CYB5B: variants seen among roughly 807,000 people sequenced by gnomAD.
The protein encoded by CYB5B is cytochrome b5 type B, also known as cytochrome b5 type B (outer mitochondrial membrane).
CYB5B carries 14 observed loss-of-function variants against 21.3 expected under a neutral mutation model. The ratio of observed to expected loss-of-function variants is 0.66; its 90% CI spans 0.43 to 1.03. The LOEUF (loss-of-function observed/expected upper bound fraction) is 1.03. Ranked by LOEUF, CYB5B falls within the 50% of genes least tolerant of loss-of-function variation. The pLI is 0.00. For missense variants in CYB5B, 166 were observed against 185.1 expected (o/e 0.90, Z 0.60); for synonymous variants, 69 against 68.4 (o/e 1.01, Z -0.04).
At chr16:69,439,903 C>G (rs1248606795) in intron 1 of CYB5B, among the ~76,000 whole-genome samples, 4 of 152,038 alleles carry the variant, frequency 2.6e-5, no homozygotes, top group African/African-American at 4.8e-5. Context: ...GGGTCTTGCT[C>G]TGTCACTCAG....
At chr16:69,428,953 C>T (rs2014676574) in intron 1 of CYB5B, among the ~76,000 whole-genome samples, 1 of 152,138 alleles carries the variant, frequency 6.6e-6, no homozygotes, top group Non-Finnish European at 1.5e-5. Flanking sequence ...TCAGAATGAT[C>T]AGGGGAGGAC....
rs77513035 is a variant in CYB5B, at chr16:69,454,807, C to G, written c.334-4286C>G. Among the ~76,000 whole-genome samples the G allele has an allele frequency of 5.8e-3, 877 of 152,244 alleles. 4 individuals are homozygous for G. The highest frequency in any genetic ancestry group is 8.3e-3 in the Non-Finnish European group (567 of 68,022). ...ATTAAAACATAAAGTCTTTATATAC[C>G]TTATATTTGCCTTTTAAGCTTTTGA... is the stretch of plus-strand genomic sequence containing the variant. On this transcript the variant is annotated intron_variant, in intron 3 of 4. Transcript: ENST00000307892.
intron 3 of CYB5B, among the ~76,000 whole-genome samples, chr16:69,452,737 G>T (rs931383255): frequency 6.6e-6 from 1 of 151,316 alleles, no homozygotes. Flanking sequence ...GGCTGGGGGC[G>T]GTGGCTCACG....
chr16:69,442,722 T>A (rs2014836882), intron 1 of CYB5B, among the ~76,000 whole-genome samples: 1 of 152,024 alleles, frequency 6.6e-6, no homozygotes, highest in Admixed American at 6.6e-5. Flanking sequence ...AGGTCTTGCT[T>A]GGTTGCCCAG....
chr16:69,459,070 A>ATTTTAT, intron 3 of CYB5B, 23 bp from the exon 4 acceptor site: 1 of 1,368,386 alleles, frequency 7.3e-7, no homozygotes, highest in Non-Finnish European at 1.0e-6. Flanking sequence ...TTATTTTTGA[A>ATTTTAT]TTTTTTTTTT....
At chr16:69,432,126 C>T (rs905468842) in intron 1 of CYB5B, among the ~76,000 whole-genome samples, 9 of 152,204 alleles carry the variant, frequency 5.9e-5, no homozygotes, top group African/African-American at 7.2e-5. Context: ...GAGAGCTAGG[C>T]GGGACCCAGG....
intron 1 of CYB5B, among the ~76,000 whole-genome samples, chr16:69,430,909 G>T (rs1465341968): frequency 6.6e-6 from 1 of 152,088 alleles, no homozygotes; most frequent in East Asian, 1.9e-4. Flanking sequence ...CTGACCTCCG[G>T]TGATTCACCC....
At chr16:69,456,626 C>A (rs1474952551) in intron 3 of CYB5B, among the ~76,000 whole-genome samples, 2 of 152,166 alleles carry the variant, frequency 1.3e-5, no homozygotes, top group Non-Finnish European at 2.9e-5. Flanking sequence ...AGATTGAGAG[C>A]ATTAAAATCT....
chr16:69,427,736 C>T (rs534343767), intron 1 of CYB5B, among the ~76,000 whole-genome samples: 2 of 151,752 alleles, frequency 1.3e-5, no homozygotes, highest in South Asian at 4.2e-4. Context: ...GGGCTCATAC[C>T]TGTAATCCCA....
intron 1 of CYB5B, among the ~76,000 whole-genome samples, chr16:69,425,722 C>T (rs1444295260): frequency 1.3e-5 from 2 of 152,184 alleles, no homozygotes; most frequent in Non-Finnish European, 2.9e-5. Flanking sequence ...CCTTTGCAGT[C>T]ATTCTCTCCC....
chr16:69,463,406 G>A lies in CYB5B; in HGVS notation c.*886G>A, dbSNP rs1233560853. On this transcript the variant is annotated 3_prime_UTR_variant, in exon 5 of 5. Coordinates refer to ENST00000307892, the MANE Select transcript of CYB5B (RefSeq NM_030579.3). Reference sequence around the variant, plus strand: ...CAGAGTAATCTTTCTTTAGAAAACTGGTGTTTTCTAAAGAAACAGGATAGG... The same window carrying A: ...CAGAGTAATCTTTCTTTAGAAAACTAGTGTTTTCTAAAGAAACAGGATAGG... 3 of 151,954 alleles carry A rather than the reference G, an allele frequency of 2.0e-5. No individual in the cohort carries two copies. Among genetic ancestry groups the A allele is most frequent in the Admixed American group, 6.6e-5 (1 of 15,254 alleles). 9.4% of individuals were successfully genotyped at this position (151,954 alleles called of 1,614,324 possible). A position where few individuals can be genotyped will look rare whatever the true frequency, so the allele number is the denominator to read the frequency against.
intron 1 of CYB5B, among the ~76,000 whole-genome samples, chr16:69,426,482 G>A (rs1391837755): frequency 6.6e-6 from 1 of 151,554 alleles, no homozygotes; most frequent in Non-Finnish European, 1.5e-5. Flanking sequence ...TGAGGCGGGC[G>A]GATCACGAGA....
At position 69,424,644 on chromosome 16, in the gene CYB5B, A is replaced by G; in HGVS notation, c.-40A>G. ...GAAGGCTGAGCGCGGGCTCTCAAGGAAAGTAGTCGCGGAATCTCAGTTAGC... is the reference window on the plus strand; with the variant it reads ...GAAGGCTGAGCGCGGGCTCTCAAGGGAAGTAGTCGCGGAATCTCAGTTAGC... On this transcript the variant is annotated 5_prime_UTR_variant, in exon 1 of 5. Transcript: ENST00000307892. 9 of 1,504,204 alleles carry G rather than the reference A, an allele frequency of 6.0e-6. No homozygotes were observed. Among genetic ancestry groups the G allele is most frequent in the African/African-American group, 1.4e-5 (1 of 70,854 alleles). The allele number at this position is 1,504,204 out of a possible 1,614,324, so 93.2% of individuals were successfully genotyped here.
rs1353291870 is a variant in CYB5B at position 69,464,476 on chromosome 16, A to T, written c.*1956A>T. On this transcript the variant is annotated 3_prime_UTR_variant, in exon 5 of 5. Transcript: ENST00000307892. ...AAGGATTGGTATATGATTGCCTGTA[A>T]TAAATAAATTGCGTGATTATTGGAG... 6.6e-6 allele frequency: 1 copy of T among 152,252 alleles called. No homozygotes were observed. Among genetic ancestry groups the T allele is most frequent in the African/African-American group, 2.4e-5 (1 of 41,466 alleles). 9.4% of individuals were successfully genotyped at this position (152,252 alleles called of 1,614,324 possible).
chr16:69,450,405 T>C (rs1298647394), intron 3 of CYB5B, among the ~76,000 whole-genome samples: 1 of 152,190 alleles, frequency 6.6e-6, no homozygotes, highest in Non-Finnish European at 1.5e-5. Flanking sequence ...GTTTTCCTCA[T>C]GTCACTGTAC....
intron 1 of CYB5B, among the ~76,000 whole-genome samples, chr16:69,442,188 T>G (rs1055950261): frequency 6.6e-6 from 1 of 152,236 alleles, no homozygotes; most frequent in Non-Finnish European, 1.5e-5. Context: ...CTGCATATAA[T>G]AATTAGTTAT....
Position 69,438,704 on chromosome 16 carries a change from G to A in CYB5B, c.175-8446G>A, listed in dbSNP as rs62057904. On this transcript the variant is annotated intron_variant, in intron 1 of 4. Transcript: ENST00000307892. ...CTTTTCATCTTCTTATTGGTCATTT[G>A]TGTATTTACTTTGAAGAAATGTCTA... Among the ~76,000 whole-genome samples the A allele has an allele frequency of 1.9e-3, 291 of 152,018 alleles. 1 individual carries two copies. The highest frequency in any genetic ancestry group is 6.8e-3 in the South Asian group (33 of 4,820).
Position 69,462,599 on chromosome 16 carries a change from C to A in CYB5B, c.*79C>A. 8.4e-7 allele frequency: 1 copy of A among 1,183,966 alleles called. No homozygotes were observed. Among genetic ancestry groups the A allele is most frequent in the Non-Finnish European group, 1.2e-6 (1 of 801,934 alleles). The allele number at this position is 1,183,966 out of a possible 1,614,324, so 73.3% of individuals were successfully genotyped here. A position where few individuals can be genotyped will look rare whatever the true frequency, so the allele number is the denominator to read the frequency against. On this transcript the variant is annotated 3_prime_UTR_variant, in exon 5 of 5. Coordinates refer to ENST00000307892, the MANE Select transcript of CYB5B (RefSeq NM_030579.3). ...CTTGCTTGGGGGCTGCAGAAGTGCC[C>A]TCTCCTCGAATCCTGCCAGTTGCAT... is the stretch of plus-strand genomic sequence containing the variant.
At chr16:69,434,567 C>T (rs1411806609) in intron 1 of CYB5B, among the ~76,000 whole-genome samples, 3 of 152,146 alleles carry the variant, frequency 2.0e-5, no homozygotes, top group Non-Finnish European at 4.4e-5. Flanking sequence ...TTTAACCATT[C>T]TAATGGGTGT....
Sources: gnomAD v4.1 joint callset for allele counts (sites outside exome capture counted in the v4.1 genomes callset) on GRCh38, gnomAD v4.1.1 for gene constraint, MANE v1.5 for transcripts, NCBI Gene and HGNC (gene_info 2026-07-23, HGNC 2026-07-21) for gene names.